ATAD2B: variants seen among roughly 807,000 people sequenced by gnomAD.
The protein encoded by ATAD2B is ATPase family AAA domain-containing protein 2B.
In ATAD2B, 40 loss-of-function variants were observed where a neutral mutation model predicts 167.6. That is an observed-to-expected ratio of 0.24 (90% confidence interval 0.19 to 0.31). The LOEUF (loss-of-function observed/expected upper bound fraction) is 0.31. Among genes scored for constraint, ATAD2B ranks in the 10% least tolerant of loss-of-function variants. The pLI is 1.00. For synonymous variants in ATAD2B, 579 were observed against 596.5 expected, an observed-to-expected ratio of 0.97 and a Z score of 0.43; for missense variants, 1,242 against 1,757.2, an observed-to-expected ratio of 0.71 and a Z score of 5.24.
At position 23,911,213 on chromosome 2, in the gene ATAD2B, C is replaced by G. The variant is rs1416909699; in HGVS notation, c.217-15243G>C. Among the ~76,000 whole-genome samples the G allele has an allele frequency of 4.0e-5, 6 of 149,036 alleles. No homozygotes were observed. The East Asian group carries it at 1.2e-3, about 29-fold the overall frequency. ...TCCAGCCTGGGCAAAAAGAGCGAAA[C>G]TCCGTCTGGAAAAAAAAAAAAAGAG... On this transcript the variant is annotated intron_variant, in intron 1 of 27. Coordinates refer to ENST00000238789, the MANE Select transcript of ATAD2B (RefSeq NM_017552.4).
chr2:23,847,513 A>C (rs1691854681), intron 13 of ATAD2B, among the ~76,000 whole-genome samples: 1 of 151,732 alleles, frequency 6.6e-6, no homozygotes, highest in Non-Finnish European at 1.5e-5. Flanking sequence ...TCAAAAAAAA[A>C]AGTCAGGTGG....
intron 22 of ATAD2B, among the ~76,000 whole-genome samples, chr2:23,772,056 T>G (rs557824831): frequency 6.6e-6 from 1 of 152,346 alleles, no homozygotes; most frequent in Non-Finnish European, 1.5e-5. Context: ...TGTTTCTATC[T>G]TTTGGGAATC....
chr2:23,916,869 G>GC (rs1703114432), intron 1 of ATAD2B, among the ~76,000 whole-genome samples: 1 of 152,142 alleles, frequency 6.6e-6, no homozygotes. Flanking sequence ...AGATGAAAGG[G>GC]CACTAGACCT....
intron 2 of ATAD2B, among the ~76,000 whole-genome samples, chr2:23,891,064 A>T (rs1200852045): frequency 2.0e-5 from 3 of 147,720 alleles, no homozygotes. Context: ...TCAGCCACCC[A>T]GGCTGGAGTG....
intron 7 of ATAD2B, among the ~76,000 whole-genome samples, chr2:23,879,323 A>T (rs1697503235): frequency 6.6e-6 from 1 of 151,652 alleles, no homozygotes; most frequent in South Asian, 2.1e-4. Flanking sequence ...AAAAAAAAGG[A>T]ATACACAGCT....
downstream of ATAD2B, among the ~76,000 whole-genome samples, chr2:23,745,360 G>GGAAGGAAA (rs1285712491): frequency 1.7e-5 from 2 of 117,786 alleles, no homozygotes; most frequent in African/African-American, 6.5e-5. Context: ...ATGGAAGGAA[G>GGAAGGAAA]GAAGGAAAGA....
chr2:23,850,880 G>A (rs1230274506), intron 13 of ATAD2B, among the ~76,000 whole-genome samples: 1 of 152,198 alleles, frequency 6.6e-6, no homozygotes, highest in Non-Finnish European at 1.5e-5. Context: ...GAGCTAAGGT[G>A]TTAAGAGTGT....
At chr2:23,712,476 A>G in the ATAD2B span, among the ~76,000 whole-genome samples, 1 of 152,194 alleles carries the variant, frequency 6.6e-6, no homozygotes, top group African/African-American at 2.4e-5. Context: ...TCCTGCTGTG[A>G]GCCTGCATTG....
chr2:23,780,868 C>A (rs1310718417), intron 22 of ATAD2B, among the ~76,000 whole-genome samples: 4 of 152,158 alleles, frequency 2.6e-5, no homozygotes, highest in African/African-American at 9.7e-5. Flanking sequence ...CGCGCCACTG[C>A]ACTCCAGCCT....
chr2:23,835,647 T>C (rs1689808966), intron 13 of ATAD2B, among the ~76,000 whole-genome samples: 1 of 151,956 alleles, frequency 6.6e-6, no homozygotes, highest in South Asian at 2.1e-4. Flanking sequence ...TTTAAATAAG[T>C]GAACTGAGCT....
At chr2:23,730,219 G>C in the ATAD2B span, among the ~76,000 whole-genome samples, 5 of 152,030 alleles carry the variant, frequency 3.3e-5, no homozygotes, top group Non-Finnish European at 7.4e-5. Context: ...TATATTCTTT[G>C]ACTATCACAT....
chr2:23,703,138 C>T, the ATAD2B span: 23 of 1,336,576 alleles, frequency 1.7e-5, no homozygotes, highest in Non-Finnish European at 2.0e-5. Context: ...ACCTCTGCCC[C>T]GCACAAGGTC....
At chr2:23,899,303 C>CAAA (rs556774553) in intron 1 of ATAD2B, among the ~76,000 whole-genome samples, 9,427 of 67,188 alleles carry the variant, frequency 0.14, 604 homozygotes, top group Non-Finnish European at 0.17. Flanking sequence ...GACCCCATCT[C>CAAA]AAAAAAAAAA....
intron 2 of ATAD2B, among the ~76,000 whole-genome samples, chr2:23,892,271 C>A (rs1699621537): frequency 6.6e-6 from 1 of 152,178 alleles, no homozygotes; most frequent in African/African-American, 2.4e-5. Flanking sequence ...TCACGCCATT[C>A]TCCTGCCTCA....
At chr2:23,852,988 C>T (rs961155768) in intron 13 of ATAD2B, among the ~76,000 whole-genome samples, 2 of 150,278 alleles carry the variant, frequency 1.3e-5, no homozygotes, top group African/African-American at 2.4e-5. Flanking sequence ...GGAGAAAAGC[C>T]ATATGATCAA....
At chr2:23,877,372 T>C (rs1024263103) in intron 7 of ATAD2B, among the ~76,000 whole-genome samples, 8 of 150,520 alleles carry the variant, frequency 5.3e-5, no homozygotes, top group Admixed American at 6.6e-5. Flanking sequence ...CATGCGCCTG[T>C]AATCCCAGCT....
At chr2:23,885,185 G>T (rs561882402) in intron 5 of ATAD2B, among the ~76,000 whole-genome samples, 10 of 152,288 alleles carry the variant, frequency 6.6e-5, no homozygotes, top group African/African-American at 2.4e-4. Flanking sequence ...TAAGTTAAAT[G>T]TCATAAAGAG....
the ATAD2B span, among the ~76,000 whole-genome samples, chr2:23,685,024 G>C: frequency 6.6e-6 from 1 of 152,214 alleles, no homozygotes; most frequent in African/African-American, 2.4e-5. Flanking sequence ...AGGTGCCCCC[G>C]GGGCTGCTTT....
chr2:23,827,371 G>A (rs1688414122), intron 15 of ATAD2B, among the ~76,000 whole-genome samples: 1 of 152,104 alleles, frequency 6.6e-6, no homozygotes, highest in Non-Finnish European at 1.5e-5. Context: ...AAATGCAAAA[G>A]GAAACTAAGA....
Sources: allele counts gnomAD v4.1 joint callset (sites outside exome capture counted in the v4.1 genomes callset), GRCh38; gene constraint gnomAD v4.1.1; transcripts MANE v1.5; gene names NCBI Gene and HGNC (gene_info 2026-07-23, HGNC 2026-07-21).